The following SYT10 variants were observed in gnomAD, a reference collection of about 807,000 sequenced individuals.
The protein encoded by SYT10 is synaptotagmin 10.
SYT10 carries 31 observed loss-of-function variants against 51.1 expected under a neutral mutation model. The observed-to-expected ratio is 0.61, with a 90% CI of 0.46 to 0.82. SYT10 has a LOEUF of 0.82. SYT10 is among the 40% of genes least tolerant of loss of function. The pLI is 0.00. For synonymous variants in SYT10, 233 were observed against 225.9 expected (o/e 1.03, Z -0.28); for missense variants, 603 against 634.0 (o/e 0.95, Z 0.53).
intron 2 of SYT10, among the ~76,000 whole-genome samples, chr12:33,415,736 T>C (rs933455575): frequency 2.0e-5 from 3 of 152,230 alleles, no homozygotes; most frequent in African/African-American, 7.2e-5. Context: ...ACAAAGTTTT[T>C]ATTCTGTTTC....
chr12:33,426,092 A>ACG (rs1866548695), intron 2 of SYT10, 46 bp downstream of exon 2: 2 of 1,498,068 alleles, frequency 1.3e-6, no homozygotes, highest in African/African-American at 2.8e-5. Context: ...ACACACACAC[A>ACG]CACACACGCA....
At chr12:33,427,236 T>C (rs1176532082) in intron 1 of SYT10, among the ~76,000 whole-genome samples, 2 of 152,076 alleles carry the variant, frequency 1.3e-5, no homozygotes, top group Non-Finnish European at 2.9e-5. Context: ...ATTAGTGTTC[T>C]TATAAAGTAG....
At chr12:33,434,441 C>T (rs916998689) in intron 1 of SYT10, among the ~76,000 whole-genome samples, 1 of 152,140 alleles carries the variant, frequency 6.6e-6, no homozygotes, top group Non-Finnish European at 1.5e-5. Flanking sequence ...AAGTAAGACT[C>T]ATTATCTTAC....
intron 1 of SYT10, among the ~76,000 whole-genome samples, chr12:33,431,341 A>T (rs1866595454): frequency 6.6e-6 from 1 of 152,078 alleles, no homozygotes; most frequent in Admixed American, 6.6e-5. Flanking sequence ...AAAATAAGAG[A>T]TCCTATTGCT....
intron 4 of SYT10, among the ~76,000 whole-genome samples, chr12:33,384,789 G>A (rs1312118939): frequency 2.0e-5 from 3 of 152,270 alleles, no homozygotes; most frequent in South Asian, 2.1e-4. Flanking sequence ...ATCAGGTGAG[G>A]GGAATAAATT....
At position 33,379,785 on chromosome 12, in the gene SYT10, C is replaced by T. The variant is rs145334384; in HGVS notation, c.1500+47G>A. On this transcript the variant is annotated intron_variant, in intron 6 of 6. Coordinates refer to ENST00000228567, the MANE Select transcript of SYT10 (RefSeq NM_198992.4). The stretch of plus-strand genomic sequence containing the variant: ...GGTTAGCAAATAAATAATATTTAAG[C>T]AAAAGAGACAACAAAAAGAGCAGAC... 1,836 of 1,604,342 alleles carry T rather than the reference C, an allele frequency of 1.1e-3. 14 individuals are homozygous for T. The African/African-American group carries it at 0.022, about 19-fold the overall frequency.
intron 1 of SYT10, among the ~76,000 whole-genome samples, chr12:33,436,387 T>G (rs552800340): frequency 6.6e-6 from 1 of 152,308 alleles, no homozygotes; most frequent in African/African-American, 2.4e-5. Context: ...ATATCTGATA[T>G]TCTAAAAAGT....
intron 1 of SYT10, among the ~76,000 whole-genome samples, chr12:33,431,534 A>C (rs1438211411): frequency 6.6e-6 from 1 of 152,186 alleles, no homozygotes; most frequent in Non-Finnish European, 1.5e-5. Context: ...CAATTACATT[A>C]ATTGTAATTA....
intron 4 of SYT10, among the ~76,000 whole-genome samples, chr12:33,384,055 C>T (rs1023468344): frequency 1.3e-5 from 2 of 152,044 alleles, no homozygotes; most frequent in African/African-American, 4.8e-5. Flanking sequence ...CTATGTATCG[C>T]AAATTTTAAA....
chr12:33,406,823 G>C lies in SYT10; in HGVS notation c.1043C>G (p.Ala348Gly), dbSNP rs1437322569. ...LFEVSDLSRE[A>G]TVWKDIHCAT... is the part of the protein sequence containing the mutation. ...ACAGTGAATATCTTTCCATACTGTG[G>C]CTTCCCTGGAGAGATCAGAGACTTC... The change falls in exon 3 of 7, where the codon GCC becomes GGC. Residue 348 changes from alanine (A) to glycine (G), a missense_variant. Coordinates refer to ENST00000228567, the MANE Select transcript of SYT10 (RefSeq NM_198992.4). The C allele has an allele frequency of 6.2e-7, 1 of 1,612,686 alleles. No homozygotes were observed. The highest frequency in any genetic ancestry group is 8.5e-7 in the Non-Finnish European group (1 of 1,179,676).
At chr12:33,429,749 T>C (rs180764348) in intron 1 of SYT10, among the ~76,000 whole-genome samples, 71 of 152,276 alleles carry the variant, frequency 4.7e-4, no homozygotes, top group African/African-American at 1.7e-3. Flanking sequence ...GATGAACTCA[T>C]AGGAGATTTT....
intron 6 of SYT10, among the ~76,000 whole-genome samples, chr12:33,379,026 A>C (rs1351665621): frequency 6.6e-6 from 1 of 152,202 alleles, no homozygotes; most frequent in Non-Finnish European, 1.5e-5. Context: ...CGTCCTGAGT[A>C]ACAAAGCCAA....
chr12:33,393,891 C>T (rs1260122827), intron 3 of SYT10, among the ~76,000 whole-genome samples: 2 of 152,116 alleles, frequency 1.3e-5, no homozygotes, highest in African/African-American at 4.8e-5. Context: ...TGTATATTTC[C>T]TTCATTATTA....
At chr12:33,425,220 C>CTT (rs1866540415) in intron 2 of SYT10, among the ~76,000 whole-genome samples, 1 of 152,046 alleles carries the variant, frequency 6.6e-6, no homozygotes, top group Non-Finnish European at 1.5e-5. Context: ...ATTAGGAAGT[C>CTT]AATCAGTTTG....
chr12:33,404,141 A>G (rs1296580758), intron 3 of SYT10, among the ~76,000 whole-genome samples: 1 of 152,202 alleles, frequency 6.6e-6, no homozygotes, highest in East Asian at 1.9e-4. Flanking sequence ...AATTCCTGGA[A>G]TCTGTGAATA....
At chr12:33,386,093 G>A (rs1044195017) in intron 3 of SYT10, among the ~76,000 whole-genome samples, 2 of 152,104 alleles carry the variant, frequency 1.3e-5, no homozygotes, top group East Asian at 1.9e-4. Context: ...GTATGACCTC[G>A]GCTCACTGCA....
At chr12:33,408,113 G>T (rs1302009063) in intron 2 of SYT10, 1 of 152,110 alleles carries the variant, frequency 6.6e-6, no homozygotes, top group Non-Finnish European at 1.5e-5. Flanking sequence ...TTTTCACCTG[G>T]ATATTTGAGT....
chr12:33,417,562 C>A lies in SYT10; in HGVS notation c.509+8576G>T, dbSNP rs114032467. Among the ~76,000 whole-genome samples the A allele has an allele frequency of 6.6e-3, 999 of 152,326 alleles. 10 individuals carry two copies. The highest frequency in any genetic ancestry group is 0.022 in the African/African-American group (920 of 41,582). ...CTATGAGCAACAGAAAATGTATCAA[C>A]ACAATAGTCTTGTGACTCTCAAAAG... On this transcript the variant is annotated intron_variant, in intron 2 of 6. Coordinates refer to ENST00000228567, the MANE Select transcript of SYT10 (RefSeq NM_198992.4).
chr12:33,408,074 C>T (rs2087241646), intron 2 of SYT10: 2 of 152,180 alleles, frequency 1.3e-5, no homozygotes, highest in Admixed American at 6.5e-5. Context: ...AAGTATTATA[C>T]AGACAAAATC....
Sources: gnomAD v4.1 joint callset for allele counts (sites outside exome capture counted in the v4.1 genomes callset) on GRCh38, gnomAD v4.1.1 for gene constraint, MANE v1.5 for transcripts, NCBI Gene and HGNC (gene_info 2026-07-23, HGNC 2026-07-21) for gene names.